AGBL5: variants seen among roughly 807,000 people sequenced by gnomAD.
AGBL5 encodes AGBL carboxypeptidase 5, also known as cytosolic carboxypeptidase-like protein 5.
A neutral mutation model predicts 88.0 loss-of-function variants in AGBL5; 51 were observed. The observed-to-expected ratio is 0.58, with a 90% CI of 0.46 to 0.73. AGBL5 has a LOEUF of 0.73. Ranked by LOEUF, AGBL5 falls within the 30% of genes least tolerant of loss-of-function variation. The pLI is 0.00. For missense variants in AGBL5, 1,031 were observed against 1,162.2 expected (o/e 0.89, Z 1.64); for synonymous variants, 446 against 438.8 (o/e 1.02, Z -0.21).
chr2:27,064,843 T>C (rs1471688046), intron 11 of AGBL5, among the ~76,000 whole-genome samples: 1 of 141,846 alleles, frequency 7.0e-6, no homozygotes, highest in African/African-American at 2.6e-5. Context: ...AATCTCCGCT[T>C]CCCGAGTTCA....
In AGBL5 at chr2:27,067,578, C is replaced by G. The variant is rs1669054883; in HGVS notation, c.2174C>G (p.Thr725Ser). Residue 725 changes from threonine to serine, a missense_variant, in exon 12 of 15, where the codon ACT becomes AGT. Coordinates refer to ENST00000360131, the MANE Select transcript of AGBL5 (RefSeq NM_021831.6). Reference protein sequence around the residue: ...AGSLAPSPAPTSSGPASSHKL... With the variant: ...AGSLAPSPAPSSSGPASSHKL... Reference sequence around the variant, plus strand: ...AGCCTCGCTCCATCCCCAGCTCCTACTAGTTCTGGCCCAGCCTCCTCACAC... The same window carrying G: ...AGCCTCGCTCCATCCCCAGCTCCTAGTAGTTCTGGCCCAGCCTCCTCACAC... 6.2e-7 allele frequency: 1 copy of G among 1,614,034 alleles called. No individual in the cohort carries two copies. Among genetic ancestry groups the G allele is most frequent in the Non-Finnish European group, 8.5e-7 (1 of 1,180,020 alleles).
Position 27,054,224 on chromosome 2 carries a change from A to G in AGBL5, c.551+165A>G, listed in dbSNP as rs150039333. On this transcript the variant is annotated intron_variant, in intron 4 of 14. Transcript: ENST00000360131. ...GTACCTTTGAAAACTATGTTTCTGT[A>G]TGACCCTGATCTCAGCATATCGACA... is the stretch of plus-strand genomic sequence containing the variant. 30 of 846,658 alleles carry G rather than the reference A, an allele frequency of 3.5e-5. No homozygotes were observed. The East Asian group carries it at 6.6e-4, about 19-fold the overall frequency. The allele number at this position is 846,658 out of a possible 1,614,324, so 52.4% of individuals were successfully genotyped here.
chr2:27,053,532 C>T lies in AGBL5; in HGVS notation c.346C>T (p.Arg116Trp), dbSNP rs746505858. 7.4e-6 allele frequency: 12 copies of T among 1,613,994 alleles called. No individual in the cohort carries two copies. The highest frequency in any genetic ancestry group is 4.5e-5 in the East Asian group (2 of 44,890). ...MAPFVRTLPT[R>W]PRWERIRDRP... is the part of the protein sequence containing the mutation. Reference sequence around the variant, plus strand: ...CCCCTTTGTGCGCACACTGCCCACCCGGCCACGCTGGGAACGCATTCGAGA... The same window carrying T: ...CCCCTTTGTGCGCACACTGCCCACCTGGCCACGCTGGGAACGCATTCGAGA... The change falls in exon 3 of 15, where the codon CGG (arginine) becomes TGG (tryptophan). Residue 116 changes from arginine to tryptophan, a missense_variant. Physicochemically the swap from Arg to Trp is moderately radical, Grantham distance 101. Around this residue, in one of 2 missense-constraint regions of AGBL5, gnomAD observed 540 missense variants for 678.2 expected, o/e 0.80. Coordinates refer to ENST00000360131, the MANE Select transcript of AGBL5 (RefSeq NM_021831.6). The surrounding 1 kb of genome is among the most constrained non-coding windows in gnomAD (Gnocchi z 4.9).
Position 27,067,656 on chromosome 2 carries a change from CACT to C in AGBL5, c.2242+11_2242+13del, listed in dbSNP as rs1669061269. ...TCATTCAACATACCAGGTCTGTACCCACTGCCACTGAAATCTGGGTTTGCCAGC... is the reference window on the plus strand; with the variant it reads ...TCATTCAACATACCAGGTCTGTACCCGCCACTGAAATCTGGGTTTGCCAGC... On this transcript the variant is annotated intron_variant, in intron 12 of 14. Transcript: ENST00000360131. 1.2e-6 allele frequency: 2 copies of C among 1,610,184 alleles called. No individual in the cohort carries two copies.
chr2:27,070,217 G>C lies in AGBL5; in HGVS notation c.2615G>C (p.Cys872Ser). 6.2e-7 allele frequency: 1 copy of C among 1,614,194 alleles called. No homozygotes were observed. Among genetic ancestry groups the C allele is most frequent in the Non-Finnish European group, 8.5e-7 (1 of 1,180,020 alleles). ...SRGPLGQPEV[C>S]FVPKSPPLTV... is the part of the protein sequence containing the mutation. The stretch of plus-strand genomic sequence containing the variant: ...GGTCCCTTGGGCCAACCTGAGGTTT[G>C]TTTTGTCCCTAAATCTCCCCCACTG... Residue 872 changes from cysteine (C) to serine (S), a missense_variant, in exon 15 of 15, where the codon TGT (cysteine) becomes TCT (serine). This residue lies in a region of AGBL5 where 491 missense variants were observed against 484.0 expected (regional missense o/e 1.01). Transcript: ENST00000360131.
rs1417581843 is a variant in AGBL5 at position 27,053,478 on chromosome 2, C to A, written c.292C>A (p.Gln98Lys). 1 of 1,614,124 alleles carries A rather than the reference C, an allele frequency of 6.2e-7. No individual in the cohort carries two copies. The highest frequency in any genetic ancestry group is 2.2e-5 in the East Asian group (1 of 44,870). ...IKINIMNMNK[Q>K]SKLYSQGMAP... ...GATCAACATTATGAACATGAACAAG[C>A]AGAGCAAGCTGTATTCCCAGGGCAT... Residue 98 changes from glutamine (Q) to lysine (K), a missense_variant, in exon 3 of 15, where the codon CAG (glutamine) becomes AAG (lysine). Transcript: ENST00000360131. This position sits in a 1 kb window ranked among gnomAD's most constrained non-coding sequence, Gnocchi z 4.9.
intron 11 of AGBL5, among the ~76,000 whole-genome samples, chr2:27,063,151 A>G (rs956650504): frequency 2.6e-5 from 4 of 152,248 alleles, no homozygotes; most frequent in Non-Finnish European, 4.4e-5. Context: ...CTTTAAGGCT[A>G]CTTTTTCCAC....
intron 11 of AGBL5, among the ~76,000 whole-genome samples, chr2:27,065,056 G>A (rs1668921321): frequency 6.6e-6 from 1 of 152,102 alleles, no homozygotes. Flanking sequence ...GCCTGACCTG[G>A]TTTGGACCTT....
intron 11 of AGBL5, among the ~76,000 whole-genome samples, chr2:27,067,252 TAA>T (rs36064257): frequency 1.1e-4 from 12 of 104,468 alleles, no homozygotes; most frequent in East Asian, 7.9e-4. Context: ...TGGAAACCTT[TAA>T]AAAAAAAAAA....
In AGBL5 at chr2:27,058,305, C is replaced by T. The variant is rs184239767; in HGVS notation, c.1672-95C>T. 1.5e-4 allele frequency: 210 copies of T among 1,405,780 alleles called. 2 individuals carry two copies. The African/African-American group carries it at 2.8e-3, about 18-fold the overall frequency. The allele number at this position is 1,405,780 out of a possible 1,614,324, so 87.1% of individuals were successfully genotyped here. ...TCCAATGAGCAAATTATAGGTCTGG[C>T]CCCTCCTTCCCTTCCACTGTGCTGT... On this transcript the variant is annotated intron_variant, in intron 9 of 14. Coordinates refer to ENST00000360131, the MANE Select transcript of AGBL5 (RefSeq NM_021831.6).
chr2:27,069,573 G>T lies in AGBL5; in HGVS notation c.2356G>T (p.Ala786Ser). 3.1e-6 allele frequency: 5 copies of T among 1,613,884 alleles called. No individual in the cohort carries two copies. Among genetic ancestry groups the T allele is most frequent in the Non-Finnish European group, 3.4e-6 (4 of 1,179,800 alleles). Reference protein sequence around the residue: ...RMPCIKTRLQARPRLGRGSPP... With the variant: ...RMPCIKTRLQSRPRLGRGSPP... Reference sequence around the variant, plus strand: ...CTTAGCGCAAACCCTGTCCACACAGGCTAGGCCCAGGTTGGGCCGGGGCTC... The same window carrying T: ...CTTAGCGCAAACCCTGTCCACACAGTCTAGGCCCAGGTTGGGCCGGGGCTC... The change falls in exon 14 of 15, where the codon GCT (alanine) becomes TCT (serine). Residue 786 changes from alanine to serine, a missense_variant and splice_region_variant. By Grantham distance (99) the Ala-to-Ser change is moderately conservative. Transcript: ENST00000360131.
At chr2:27,060,299 C>G (rs1668650806) in intron 11 of AGBL5, among the ~76,000 whole-genome samples, 1 of 152,180 alleles carries the variant, frequency 6.6e-6, no homozygotes, top group South Asian at 2.1e-4. Flanking sequence ...ATTAGTAACC[C>G]CCAGGTTTTG....
At chr2:27,050,840 T>C (rs775303281), upstream of AGBL5, among the ~76,000 whole-genome samples, 1 of 152,204 alleles carries the variant, frequency 6.6e-6, no homozygotes, top group Non-Finnish European at 1.5e-5. Context: ...TGGCAATCCT[T>C]AGGTCGCTGG....
Position 27,063,932 on chromosome 2 carries a change from C to G in AGBL5, c.2090-3562C>G, listed in dbSNP as rs116565184. Among the ~76,000 whole-genome samples, 1,407 of 152,352 alleles carry G rather than the reference C, an allele frequency of 9.2e-3. 22 individuals are homozygous for G. The highest frequency in any genetic ancestry group is 0.032 in the African/African-American group (1,340 of 41,576). ...CATAACCTCTGGAAGCAGAGCTGAT[C>G]ACATCACTCTTGCACTCTTGCTTGT... is the stretch of plus-strand genomic sequence containing the variant. On this transcript the variant is annotated intron_variant, in intron 11 of 14. Transcript: ENST00000360131.
At chr2:27,063,516 AC>A (rs1668818797) in intron 11 of AGBL5, among the ~76,000 whole-genome samples, 1 of 150,694 alleles carries the variant, frequency 6.6e-6, no homozygotes, top group South Asian at 2.1e-4. Context: ...AATGGCGTGA[AC>A]CCAGGAGGCG....
intron 4 of AGBL5, 90 bp downstream of exon 4, chr2:27,054,149 A>T: frequency 7.0e-7 from 1 of 1,430,752 alleles, no homozygotes; most frequent in Non-Finnish European, 9.4e-7. Flanking sequence ...GCTCTGAACC[A>T]TACTTTCATC....
Position 27,053,669 on chromosome 2 carries a change from T to C in AGBL5, c.387+96T>C. The C allele has an allele frequency of 1.4e-6, 2 of 1,478,810 alleles. No individual in the cohort carries two copies. The highest frequency in any genetic ancestry group is 1.8e-6 in the Non-Finnish European group (2 of 1,108,136). 91.6% of individuals were successfully genotyped at this position (1,478,810 alleles called of 1,614,324 possible). A position where few individuals can be genotyped will look rare whatever the true frequency, so the allele number is the denominator to read the frequency against. ...TTCCTTGATACAAGTATGAAGCAGGTGGGACAACAGGTTTAAGTATCAGCT... is the reference window on the plus strand; with the variant it reads ...TTCCTTGATACAAGTATGAAGCAGGCGGGACAACAGGTTTAAGTATCAGCT... On this transcript the variant is annotated intron_variant, in intron 3 of 14. Coordinates refer to ENST00000360131, the MANE Select transcript of AGBL5 (RefSeq NM_021831.6). The surrounding 1 kb of genome is among the most constrained non-coding windows in gnomAD (Gnocchi z 4.9).
At position 27,053,334 on chromosome 2, in the gene AGBL5, G is replaced by GCTCGGCTGGCTCCA; in HGVS notation, c.216-68_216-67insCTCGGCTGGCTCCA. ...GCCCTTTCCCAGTTTGGCTGGCTCCGGCTCTCCCACAGACCATATCTCCAA... is the reference window on the plus strand; with the variant it reads ...GCCCTTTCCCAGTTTGGCTGGCTCCGCTCGGCTGGCTCCAGCTCTCCCACAGACCATATCTCCAA... On this transcript the variant is annotated intron_variant, in intron 2 of 14. Transcript: ENST00000360131. The surrounding 1 kb of genome is among the most constrained non-coding windows in gnomAD (Gnocchi z 4.9). 1 of 1,562,516 alleles carries GCTCGGCTGGCTCCA rather than the reference G, an allele frequency of 6.4e-7. No homozygotes were observed. The highest frequency in any genetic ancestry group is 8.7e-7 in the Non-Finnish European group (1 of 1,152,844).
upstream of AGBL5, chr2:27,050,982 G>A (rs987605135): frequency 6.6e-6 from 1 of 152,240 alleles, no homozygotes; most frequent in African/African-American, 2.4e-5. Context: ...AGGGAACACC[G>A]TAGTATGTAG....
Sources: allele counts gnomAD v4.1 joint callset (sites outside exome capture counted in the v4.1 genomes callset), GRCh38; gene constraint gnomAD v4.1.1; regional missense constraint gnomAD v4.1.1; non-coding constraint Gnocchi (gnomAD v3.1); transcripts MANE v1.5; gene names NCBI Gene and HGNC (gene_info 2026-07-23, HGNC 2026-07-21).